The following INPP4B variants were observed in gnomAD, a reference collection of about 807,000 sequenced individuals.
INPP4B encodes inositol polyphosphate 4-phosphatase type II.
Under a neutral mutation model 122.5 loss-of-function variants are expected in INPP4B, and 55 were observed. The ratio of observed to expected loss-of-function variants is 0.45; its 90% CI spans 0.36 to 0.56. The LOEUF (loss-of-function observed/expected upper bound fraction) is 0.56. Ranked by LOEUF, INPP4B falls within the 20% of genes least tolerant of loss-of-function variation. The pLI, the probability that INPP4B is intolerant of heterozygous loss-of-function variation, is 0.00. For missense variants in INPP4B, 1,000 were observed against 1,097.7 expected (o/e 0.91, Z 1.26); for synonymous variants, 403 against 388.7 (o/e 1.04, Z -0.43).
chr4:142,321,184 C>A (rs1251457459), intron 7 of INPP4B, among the ~76,000 whole-genome samples: 1 of 152,126 alleles, frequency 6.6e-6, no homozygotes, highest in African/African-American at 2.4e-5. Context: ...GGTGACATCA[C>A]ATTGTAGTTT....
At chr4:142,580,289 T>A (rs1440245509) in intron 2 of INPP4B, among the ~76,000 whole-genome samples, 1 of 151,924 alleles carries the variant, frequency 6.6e-6, no homozygotes, top group Non-Finnish European at 1.5e-5. Flanking sequence ...AAAGGGTTAT[T>A]GCATTTGTAG....
At chr4:142,162,708 T>G (rs1561336755) in intron 16 of INPP4B, among the ~76,000 whole-genome samples, 1 of 151,960 alleles carries the variant, frequency 6.6e-6, no homozygotes, top group Non-Finnish European at 1.5e-5. Flanking sequence ...TTCCACTTCA[T>G]TTATTCAAAT....
chr4:142,299,171 G>C (rs200899671), intron 9 of INPP4B, among the ~76,000 whole-genome samples: 34 of 91,238 alleles, frequency 3.7e-4, no homozygotes, highest in Non-Finnish European at 4.9e-4. Flanking sequence ...TTTTTTTTTG[G>C]GGGGGAGACA....
At chr4:142,397,316 C>T (rs77201824) in intron 7 of INPP4B, among the ~76,000 whole-genome samples, 5,326 of 152,178 alleles carry the variant, frequency 0.035, 344 homozygotes, top group African/African-American at 0.12. Flanking sequence ...AAGGAAAAAA[C>T]AAGGCCTATG....
At chr4:142,310,411 T>C (rs1765070794) in intron 8 of INPP4B, among the ~76,000 whole-genome samples, 1 of 152,180 alleles carries the variant, frequency 6.6e-6, no homozygotes, top group South Asian at 2.1e-4. Context: ...TGTTTCTTTT[T>C]ACTTTTTAAA....
intron 1 of INPP4B, among the ~76,000 whole-genome samples, chr4:142,809,335 T>C (rs1561094440): frequency 6.6e-6 from 1 of 152,312 alleles, no homozygotes; most frequent in East Asian, 1.9e-4. Flanking sequence ...CAGTGCTAAA[T>C]CTTAATCCTG....
At chr4:142,623,160 C>A (rs1195370579) in intron 2 of INPP4B, among the ~76,000 whole-genome samples, 1 of 151,908 alleles carries the variant, frequency 6.6e-6, no homozygotes, top group Admixed American at 6.6e-5. Flanking sequence ...CTATCACAGT[C>A]GCAAATATAC....
intron 2 of INPP4B, among the ~76,000 whole-genome samples, chr4:142,588,826 T>G (rs1043823155): frequency 1.3e-5 from 2 of 151,800 alleles, no homozygotes; most frequent in Non-Finnish European, 3.0e-5. Context: ...TTTGTAGATA[T>G]CAGCAACAGC....
chr4:142,258,584 C>A (rs1475601919), intron 11 of INPP4B, among the ~76,000 whole-genome samples: 2 of 152,092 alleles, frequency 1.3e-5, no homozygotes, highest in Admixed American at 6.5e-5. Flanking sequence ...ATTTATGCAG[C>A]CAAAAAACAC....
chr4:142,603,964 G>A (rs1180686658), intron 2 of INPP4B, among the ~76,000 whole-genome samples: 1 of 151,530 alleles, frequency 6.6e-6, no homozygotes, highest in Non-Finnish European at 1.5e-5. Flanking sequence ...GAACATAGGT[G>A]CAAAAAATCC....
chr4:142,581,548 CATTT>C (rs1735078151), intron 2 of INPP4B, among the ~76,000 whole-genome samples: 2 of 34,196 alleles, frequency 5.8e-5, no homozygotes, highest in South Asian at 1.8e-3. Context: ...ATAGAAGTTC[CATTT>C]CTATCTATTA....
At chr4:142,448,420 G>A (rs777575828) in intron 3 of INPP4B, among the ~76,000 whole-genome samples, 4 of 149,424 alleles carry the variant, frequency 2.7e-5, no homozygotes, top group Non-Finnish European at 5.9e-5. Flanking sequence ...ACTTGTTCAC[G>A]TCACAACAAT....
chr4:142,409,842 C>T (rs557325830), intron 5 of INPP4B, among the ~76,000 whole-genome samples: 44 of 152,310 alleles, frequency 2.9e-4, no homozygotes, highest in South Asian at 1.2e-3. Flanking sequence ...CTAGTCTTGA[C>T]GCTTACAGCT....
chr4:142,376,037 T>C (rs1791710597), intron 7 of INPP4B, among the ~76,000 whole-genome samples: 1 of 152,040 alleles, frequency 6.6e-6, no homozygotes, highest in Non-Finnish European at 1.5e-5. Context: ...GCAGGTCAAA[T>C]TTATTATAAT....
At chr4:142,708,015 G>A (rs1762662968) in intron 2 of INPP4B, among the ~76,000 whole-genome samples, 1 of 152,206 alleles carries the variant, frequency 6.6e-6, no homozygotes, top group African/African-American at 2.4e-5. Flanking sequence ...ATTGGGAAAT[G>A]GAGCAGAGGC....
intron 2 of INPP4B, among the ~76,000 whole-genome samples, chr4:142,630,995 T>G (rs1173967747): frequency 1.3e-5 from 2 of 152,088 alleles, no homozygotes; most frequent in African/African-American, 4.8e-5. Flanking sequence ...ATAAATCCTC[T>G]CTGCAGAAAA....
At chr4:142,343,558 C>T (rs28376103) in intron 7 of INPP4B, among the ~76,000 whole-genome samples, 4,643 of 151,682 alleles carry the variant, frequency 0.031, 238 homozygotes, top group African/African-American at 0.1. Flanking sequence ...TGGAGAATTG[C>T]AATTTTGCCT....
chr4:142,517,939 TGTAGAG>T (rs1484217282), intron 2 of INPP4B, among the ~76,000 whole-genome samples: 5 of 152,220 alleles, frequency 3.3e-5, no homozygotes, highest in Admixed American at 2.6e-4. Context: ...GTGAAATGTA[TGTAGAG>T]GTAAATTACT....
chr4:142,403,596 T>C (rs1460955896), intron 6 of INPP4B, among the ~76,000 whole-genome samples: 2 of 152,272 alleles, frequency 1.3e-5, no homozygotes, highest in East Asian at 1.9e-4. Context: ...CTAAATATGA[T>C]GGATTTGAGG....
Sources: allele counts gnomAD v4.1 joint callset (sites outside exome capture counted in the v4.1 genomes callset), GRCh38; gene constraint gnomAD v4.1.1; transcripts MANE v1.5; gene names NCBI Gene and HGNC (gene_info 2026-07-23, HGNC 2026-07-21).